SUCLG2: variants seen among roughly 807,000 people sequenced by gnomAD.
SUCLG2 encodes succinate--CoA ligase [GDP-forming] subunit beta, mitochondrial.
In SUCLG2, 42 loss-of-function variants were observed where a neutral mutation model predicts 47.9. That is an observed-to-expected ratio of 0.88 (90% CI 0.69 to 1.14). The LOEUF (loss-of-function observed/expected upper bound fraction) is 1.14. Ranked by LOEUF, SUCLG2 falls within the 50% of genes most tolerant of loss-of-function variation. SUCLG2 has a pLI of 0.00. For synonymous variants in SUCLG2, 195 were observed against 197.3 expected (o/e 0.99, Z 0.10); for missense variants, 571 against 525.9 (o/e 1.09, Z -0.84).
chr3:67,537,883 G>A (rs1706589330), intron 2 of SUCLG2, among the ~76,000 whole-genome samples: 1 of 152,162 alleles, frequency 6.6e-6, no homozygotes, highest in African/African-American at 2.4e-5. Context: ...AGAAGTGTCT[G>A]TTCATATCCT....
chr3:67,454,558 G>C (rs1704136001), intron 9 of SUCLG2, among the ~76,000 whole-genome samples: 1 of 152,008 alleles, frequency 6.6e-6, no homozygotes, highest in African/African-American at 2.4e-5. Flanking sequence ...TACATATATA[G>C]ATAGATGGAT....
chr3:67,430,255 A>G (rs1703439883), intron 9 of SUCLG2, among the ~76,000 whole-genome samples: 1 of 152,234 alleles, frequency 6.6e-6, no homozygotes, highest in African/African-American at 2.4e-5. Context: ...ACTGTCTCTC[A>G]GACCACAGTG....
chr3:67,460,254 T>A (rs1359731387), intron 9 of SUCLG2, among the ~76,000 whole-genome samples: 1 of 152,196 alleles, frequency 6.6e-6, no homozygotes, highest in Non-Finnish European at 1.5e-5. Flanking sequence ...AATAACACCT[T>A]AAATCTGAAA....
At chr3:67,631,069 T>C (rs143479882) in intron 1 of SUCLG2, among the ~76,000 whole-genome samples, 125 of 152,240 alleles carry the variant, frequency 8.2e-4, no homozygotes, top group African/African-American at 2.1e-3. Flanking sequence ...GATGAGGAAA[T>C]TGCAGGCTGA....
At chr3:67,611,798 T>C (rs571163346) in intron 1 of SUCLG2, among the ~76,000 whole-genome samples, 1 of 152,180 alleles carries the variant, frequency 6.6e-6, no homozygotes, top group Non-Finnish European at 1.5e-5. Flanking sequence ...CTAATTGCAA[T>C]TGATCCAGAG....
chr3:67,394,284 G>C (rs1199517749), intron 10 of SUCLG2, among the ~76,000 whole-genome samples: 1 of 152,000 alleles, frequency 6.6e-6, no homozygotes, highest in African/African-American at 2.4e-5. Flanking sequence ...AAAAAATTTA[G>C]ATGAATGTAT....
At chr3:67,465,241 T>G (rs927499641) in intron 9 of SUCLG2, among the ~76,000 whole-genome samples, 4 of 152,132 alleles carry the variant, frequency 2.6e-5, no homozygotes, top group African/African-American at 9.7e-5. Context: ...TTCAGAGGCT[T>G]ACAATTTTAT....
intron 10 of SUCLG2, among the ~76,000 whole-genome samples, chr3:67,368,270 T>C (rs1485554223): frequency 6.6e-6 from 1 of 152,208 alleles, no homozygotes; most frequent in Admixed American, 6.5e-5. Flanking sequence ...AAGGATTCTT[T>C]CTTTATTCTT....
At chr3:67,439,708 C>A (rs913827609) in intron 9 of SUCLG2, among the ~76,000 whole-genome samples, 1 of 152,104 alleles carries the variant, frequency 6.6e-6, no homozygotes, top group Non-Finnish European at 1.5e-5. Flanking sequence ...GAGTTACAAA[C>A]CACTCTTCAA....
intron 2 of SUCLG2, among the ~76,000 whole-genome samples, chr3:67,596,134 G>A (rs1708287424): frequency 6.6e-6 from 1 of 152,178 alleles, no homozygotes. Flanking sequence ...GACCTAAAAG[G>A]CAAGGAGTGG....
intron 9 of SUCLG2, among the ~76,000 whole-genome samples, chr3:67,467,177 C>G (rs1325636970): frequency 1.3e-5 from 2 of 152,152 alleles, no homozygotes; most frequent in Non-Finnish European, 2.9e-5. Context: ...TGTGTTTTCT[C>G]TTACCTCTTG....
chr3:67,463,655 A>T (rs1436406923), intron 9 of SUCLG2, among the ~76,000 whole-genome samples: 1 of 152,200 alleles, frequency 6.6e-6, no homozygotes, highest in Admixed American at 6.5e-5. Context: ...GTTCTCTCTC[A>T]AGAGTTCCTG....
intron 10 of SUCLG2, among the ~76,000 whole-genome samples, chr3:67,368,693 C>A (rs1260437222): frequency 6.6e-6 from 1 of 152,128 alleles, no homozygotes; most frequent in Non-Finnish European, 1.5e-5. Flanking sequence ...GAAACCTCCA[C>A]CTCCTGGGTT....
At chr3:67,585,993 C>CAAAAAAAAAAAAAAA (rs1575797477) in intron 2 of SUCLG2, among the ~76,000 whole-genome samples, 1 of 20,738 alleles carries the variant, frequency 4.8e-5, no homozygotes. Context: ...AAAAAAAAAC[C>CAAAAAAAAAAAAAAA]AAACCCACAA....
chr3:67,406,052 C>G (rs1190590173), intron 9 of SUCLG2, among the ~76,000 whole-genome samples: 1 of 152,076 alleles, frequency 6.6e-6, no homozygotes, highest in Non-Finnish European at 1.5e-5. Flanking sequence ...TGTTCATTAC[C>G]ACAACCAACT....
intron 1 of SUCLG2, among the ~76,000 whole-genome samples, chr3:67,625,066 C>T (rs1260129175): frequency 3.3e-5 from 5 of 152,198 alleles, no homozygotes; most frequent in East Asian, 1.9e-4. Context: ...AAGTTTTATA[C>T]TAATGACTCT....
chr3:67,519,064 A>G (rs1246183496), intron 5 of SUCLG2, among the ~76,000 whole-genome samples: 2 of 148,982 alleles, frequency 1.3e-5, no homozygotes, highest in Admixed American at 6.7e-5. Context: ...TAAGGTTGAG[A>G]AAAAAAAAAA....
intron 9 of SUCLG2, among the ~76,000 whole-genome samples, chr3:67,441,365 TAAAAAAA>T (rs35082631): frequency 3.6e-5 from 5 of 140,492 alleles, no homozygotes; most frequent in African/African-American, 1.3e-4. Flanking sequence ...TCTCAGAACT[TAAAAAAA>T]AAAAAAAGAC....
intron 2 of SUCLG2, among the ~76,000 whole-genome samples, chr3:67,541,301 G>A (rs1706701422): frequency 6.6e-6 from 1 of 152,152 alleles, no homozygotes; most frequent in African/African-American, 2.4e-5. Context: ...AAGAAGCTAA[G>A]AACCTTGAGA....
Sources: gnomAD v4.1 joint callset for allele counts (sites outside exome capture counted in the v4.1 genomes callset) on GRCh38, gnomAD v4.1.1 for gene constraint, MANE v1.5 for transcripts, NCBI Gene and HGNC (gene_info 2026-07-23, HGNC 2026-07-21) for gene names.